TRPS1: variants seen among roughly 807,000 people sequenced by gnomAD.
TRPS1 encodes the protein transcriptional repressor GATA binding 1.
Under a neutral mutation model 101.2 loss-of-function variants are expected in TRPS1, and 6 were observed. That is an observed-to-expected ratio of 0.06 (90% confidence interval 0.03 to 0.12). The LOEUF is 0.12. Among genes scored for constraint, TRPS1 ranks in the 10% least tolerant of loss-of-function variants. TRPS1 has a pLI of 1.00. For synonymous variants in TRPS1, 578 were observed against 589.8 expected (o/e 0.98, Z 0.29); for missense variants, 1,363 against 1,567.0 (o/e 0.87, Z 2.20).
At chr8:115,667,105 G>C (rs77929394) in intron 1 of TRPS1, among the ~76,000 whole-genome samples, 4,212 of 152,196 alleles carry the variant, frequency 0.028, 218 homozygotes, top group African/African-American at 0.096. Context: ...TCAAATATGA[G>C]GCCTAAAAAG....
chr8:115,454,585 T>A (rs1813968006), intron 5 of TRPS1, among the ~76,000 whole-genome samples: 1 of 152,206 alleles, frequency 6.6e-6, no homozygotes, highest in Admixed American at 6.5e-5. Flanking sequence ...GATATTATTA[T>A]CACTATATAT....
chr8:115,428,864 C>A (rs1228526403), intron 5 of TRPS1, among the ~76,000 whole-genome samples: 1 of 152,168 alleles, frequency 6.6e-6, no homozygotes, highest in East Asian at 1.9e-4. Flanking sequence ...TATTTACGGA[C>A]ACCTTTCCAA....
chr8:115,533,439 T>TTTTTTTTTTTTTTTTG (rs1563580652), intron 5 of TRPS1, among the ~76,000 whole-genome samples: 2 of 116,694 alleles, frequency 1.7e-5, no homozygotes, highest in African/African-American at 8.7e-5. Context: ...GTAATCTGTT[T>TTTTTTTTTTTTTTTTG]TTTTTTTTTT....
chr8:115,411,265 C>G lies in TRPS1; in HGVS notation c.*2758G>C, dbSNP rs936404504. The G allele has an allele frequency of 6.6e-6, 1 of 151,744 alleles. No homozygotes were observed. Among genetic ancestry groups the G allele is most frequent in the Non-Finnish European group, 1.5e-5 (1 of 67,858 alleles). The allele number at this position is 151,744 out of a possible 1,614,324, so 9.4% of individuals were successfully genotyped here. Reference sequence around the variant, plus strand: ...ATGTATTTTCCAATGCTAGTCGTTACTACTATGTCTGTCTGAGAAAAAAAA... The same window carrying G: ...ATGTATTTTCCAATGCTAGTCGTTAGTACTATGTCTGTCTGAGAAAAAAAA... On this transcript the variant is annotated 3_prime_UTR_variant, in exon 7 of 7. Transcript: ENST00000395715.
chr8:115,604,450 T>C lies in TRPS1; in HGVS notation c.1519A>G (p.Thr507Ala), dbSNP rs376536580. ...NDLAKSSEGE[T>A]MTKTDKSSSG... ...GAGCTCTTGTCTGTCTTGGTCATTGTCTCTCCTTCTGAACTTTTGGCTAGA... is the reference window on the plus strand; with the variant it reads ...GAGCTCTTGTCTGTCTTGGTCATTGCCTCTCCTTCTGAACTTTTGGCTAGA... The change falls in exon 4 of 7, where the codon ACA becomes GCA. Residue 507 changes from threonine to alanine, a missense_variant. Around this residue, in one of 5 missense-constraint regions of TRPS1, gnomAD observed 1,020 missense variants for 1,073.0 expected, o/e 0.95. Coordinates refer to ENST00000395715, the MANE Select transcript of TRPS1 (RefSeq NM_014112.5). This position sits in a 1 kb window ranked among gnomAD's most constrained non-coding sequence, Gnocchi z 4.1. The C allele has an allele frequency of 9.3e-6, 15 of 1,614,064 alleles. No homozygotes were observed. Among genetic ancestry groups the C allele is most frequent in the Non-Finnish European group, 1.3e-5 (15 of 1,179,984 alleles).
chr8:115,547,308 T>G (rs1344051537), intron 5 of TRPS1, among the ~76,000 whole-genome samples: 1 of 152,042 alleles, frequency 6.6e-6, no homozygotes, highest in South Asian at 2.1e-4. Context: ...TCCCCTTCCC[T>G]TTCTCCCTCT....
intron 1 of TRPS1, among the ~76,000 whole-genome samples, chr8:115,662,829 G>A (rs946493626): frequency 6.6e-6 from 1 of 151,894 alleles, no homozygotes; most frequent in Admixed American, 6.6e-5. Context: ...ATCTAAAAAT[G>A]CATTTTCGTA....
At chr8:115,598,192 T>C (rs114960373) in intron 4 of TRPS1, among the ~76,000 whole-genome samples, 2,481 of 152,312 alleles carry the variant, frequency 0.016, 56 homozygotes, top group African/African-American at 0.057. Context: ...TATGCATTCA[T>C]TTCCTATTCT....
intron 5 of TRPS1, among the ~76,000 whole-genome samples, chr8:115,468,517 G>A (rs1258673111): frequency 6.6e-6 from 1 of 152,156 alleles, no homozygotes; most frequent in East Asian, 1.9e-4. Flanking sequence ...TATTAACTCT[G>A]TGGTTACCGT....
chr8:115,418,316 G>A lies in TRPS1; in HGVS notation c.2823+14C>T. The A allele has an allele frequency of 6.2e-7, 1 of 1,614,050 alleles. No homozygotes were observed. ...TTATAAAGCTTTTCCTGAAAGAGTG[G>A]AACAAGTTCTTACCGAGTGAAGCTT... is the stretch of plus-strand genomic sequence containing the variant. On this transcript the variant is annotated intron_variant, in intron 6 of 6. Transcript: ENST00000395715. The surrounding 1 kb of genome is among the most constrained non-coding windows in gnomAD (Gnocchi z 4.3).
intron 5 of TRPS1, among the ~76,000 whole-genome samples, chr8:115,528,663 A>G (rs1218542352): frequency 1.3e-5 from 2 of 152,034 alleles, no homozygotes; most frequent in Admixed American, 6.6e-5. Flanking sequence ...ACAAAATTCA[A>G]AACTAACCCA....
chr8:115,426,423 G>A (rs998556712), intron 5 of TRPS1, among the ~76,000 whole-genome samples: 1 of 152,010 alleles, frequency 6.6e-6, no homozygotes. Flanking sequence ...TCAGCTTCTA[G>A]GCATTTAATT....
intron 5 of TRPS1, among the ~76,000 whole-genome samples, chr8:115,468,257 C>T (rs531004838): frequency 2.0e-5 from 3 of 152,310 alleles, no homozygotes; most frequent in Non-Finnish European, 4.4e-5. Flanking sequence ...TTATTTCTGA[C>T]ATCCTTACCT....
intron 4 of TRPS1, among the ~76,000 whole-genome samples, chr8:115,595,310 G>T (rs779678716): frequency 2.6e-5 from 4 of 151,918 alleles, no homozygotes; most frequent in Non-Finnish European, 5.9e-5. Context: ...ATGATAAAAT[G>T]AAAAACGAGA....
At chr8:115,545,743 G>A (rs1013106985) in intron 5 of TRPS1, among the ~76,000 whole-genome samples, 13 of 152,060 alleles carry the variant, frequency 8.5e-5, no homozygotes, top group African/African-American at 2.9e-4. Flanking sequence ...GATCTCATCA[G>A]TCAAATTCAT....
At chr8:115,498,922 G>A (rs1297302620) in intron 5 of TRPS1, among the ~76,000 whole-genome samples, 2 of 152,042 alleles carry the variant, frequency 1.3e-5, no homozygotes, top group Non-Finnish European at 2.9e-5. Flanking sequence ...GTAGACTTCA[G>A]AATAGACTTC....
intron 5 of TRPS1, among the ~76,000 whole-genome samples, chr8:115,514,901 A>G (rs1166632592): frequency 1.3e-5 from 2 of 151,626 alleles, no homozygotes; most frequent in African/African-American, 4.8e-5. Context: ...TTATAGTGCC[A>G]TATGTCAATT....
At chr8:115,429,816 C>A (rs187939031) in intron 5 of TRPS1, among the ~76,000 whole-genome samples, 2 of 152,214 alleles carry the variant, frequency 1.3e-5, no homozygotes, top group Non-Finnish European at 2.9e-5. Flanking sequence ...GATGAACACA[C>A]TGAATTGGTC....
chr8:115,419,461 G>A (rs971429498), intron 5 of TRPS1, among the ~76,000 whole-genome samples: 2 of 151,852 alleles, frequency 1.3e-5, no homozygotes, highest in South Asian at 2.1e-4. Flanking sequence ...TAAAATATGC[G>A]TGTTAGATAA....
Sources: gnomAD v4.1 joint callset for allele counts (sites outside exome capture counted in the v4.1 genomes callset) on GRCh38, gnomAD v4.1.1 for gene constraint, gnomAD v4.1.1 regional missense constraint, Gnocchi (gnomAD v3.1) non-coding constraint, MANE v1.5 for transcripts, NCBI Gene and HGNC (gene_info 2026-07-23, HGNC 2026-07-21) for gene names.